FGGY: variants seen among roughly 807,000 people sequenced by gnomAD.
FGGY encodes FGGY carbohydrate kinase domain containing.
FGGY carries 72 observed loss-of-function variants against 71.3 expected under a neutral mutation model. That is an observed-to-expected ratio of 1.01 (90% confidence interval 0.84 to 1.23). The LOEUF is 1.23. FGGY is among the 50% of genes most tolerant of loss of function. The pLI is 0.00. For synonymous variants in FGGY, 251 were observed against 250.3 expected, an observed-to-expected ratio of 1.00 and a Z score of -0.02; for missense variants, 668 against 682.3, an observed-to-expected ratio of 0.98 and a Z score of 0.23.
rs558840368 is a variant in FGGY, at chr1:59,707,004, TG to T, written c.1512+32872del. Among the ~76,000 whole-genome samples, 292 of 152,304 alleles carry T rather than the reference TG, an allele frequency of 1.9e-3. 2 individuals carry two copies. The highest frequency in any genetic ancestry group is 6.7e-3 in the African/African-American group (278 of 41,572). On this transcript the variant is annotated intron_variant, in intron 14 of 15. Coordinates refer to ENST00000303721, the MANE Select transcript of FGGY (RefSeq NM_018291.5). The stretch of plus-strand genomic sequence containing the variant: ...AGCACAGGCAGAGGGCTGCACCCCC[TG>T]CCCTCTCCAACTCTGGGGATATAGC...
chr1:59,425,618 T>G (rs10493264), intron 5 of FGGY, among the ~76,000 whole-genome samples: 1 of 152,094 alleles, frequency 6.6e-6, no homozygotes, highest in Non-Finnish European at 1.5e-5. Context: ...CTATAGACAT[T>G]GGAGTTAAAG....
intron 8 of FGGY, among the ~76,000 whole-genome samples, chr1:59,603,315 T>C (rs2096595123): frequency 6.6e-6 from 1 of 152,278 alleles, no homozygotes; most frequent in Non-Finnish European, 1.5e-5. Flanking sequence ...AATATAAGCT[T>C]TTCTTCTGTA....
chr1:59,660,298 G>C lies in FGGY; in HGVS notation c.1296+5G>C. ...GCCACAGTTCAAGCCATTGCTGTAA[G>C]ATACTGTAATGCCATTTTTAAAGAG... On this transcript the variant is annotated splice_donor_5th_base_variant and intron_variant, in intron 12 of 15. Coordinates refer to ENST00000303721, the MANE Select transcript of FGGY (RefSeq NM_018291.5). The C allele has an allele frequency of 6.2e-7, 1 of 1,611,554 alleles. No individual in the cohort carries two copies. The highest frequency in any genetic ancestry group is 8.5e-7 in the Non-Finnish European group (1 of 1,179,182).
chr1:59,459,867 T>G (rs927782534), intron 6 of FGGY, among the ~76,000 whole-genome samples: 2 of 152,204 alleles, frequency 1.3e-5, no homozygotes, highest in Admixed American at 6.5e-5. Context: ...GTGTGCAACA[T>G]GGCTGAATTA....
chr1:59,431,588 G>C (rs2067370743), intron 5 of FGGY, among the ~76,000 whole-genome samples: 1 of 152,152 alleles, frequency 6.6e-6, no homozygotes, highest in Admixed American at 6.6e-5. Flanking sequence ...AGGAACCCAG[G>C]TAGCTTCTGC....
At chr1:59,629,651 G>T (rs2096890298) in intron 10 of FGGY, among the ~76,000 whole-genome samples, 1 of 152,078 alleles carries the variant, frequency 6.6e-6, no homozygotes, top group Admixed American at 6.5e-5. Flanking sequence ...TCTGTGAAGG[G>T]ACCATAACGG....
chr1:59,463,547 A>G (rs2092404165), intron 6 of FGGY, among the ~76,000 whole-genome samples: 1 of 152,246 alleles, frequency 6.6e-6, no homozygotes, highest in African/African-American at 2.4e-5. Flanking sequence ...AAAGGCCCCA[A>G]TTAAAAGACA....
chr1:59,573,442 A>ATG (rs757804145), intron 8 of FGGY, among the ~76,000 whole-genome samples: 2 of 151,746 alleles, frequency 1.3e-5, no homozygotes, highest in African/African-American at 2.4e-5. Context: ...ATATACACAT[A>ATG]TGTGTGTGTG....
In FGGY at chr1:59,616,246, CAAT is replaced by C. The variant is rs1302381260; in HGVS notation, c.1011+8337_1011+8339del. On this transcript the variant is annotated intron_variant, in intron 9 of 15. Coordinates refer to ENST00000303721, the MANE Select transcript of FGGY (RefSeq NM_018291.5). ...TCTTGGAACCAAGCCAAACATCCAACAATGATAGACTGGATTAAGAAAATGTGG... is the reference window on the plus strand; with the variant it reads ...TCTTGGAACCAAGCCAAACATCCAACGATAGACTGGATTAAGAAAATGTGG... Among the ~76,000 whole-genome samples the C allele has an allele frequency of 2.0e-5, 3 of 152,190 alleles. No homozygotes were observed. The East Asian group carries it at 5.8e-4, about 29-fold the overall frequency.
intron 6 of FGGY, among the ~76,000 whole-genome samples, chr1:59,464,174 C>A (rs1008223968): frequency 1.3e-5 from 2 of 152,158 alleles, no homozygotes; most frequent in African/African-American, 4.8e-5. Context: ...TCTTTCAGAC[C>A]ACAGTGCAAT....
At chr1:59,651,495 A>G in intron 11 of FGGY, among the ~76,000 whole-genome samples, 1 of 145,164 alleles carries the variant, frequency 6.9e-6, no homozygotes, top group Non-Finnish European at 1.5e-5. Flanking sequence ...TGATCCCTTT[A>G]CCATTATGTA....
At chr1:59,336,796 T>C (rs1311529216) in intron 2 of FGGY, among the ~76,000 whole-genome samples, 1 of 152,044 alleles carries the variant, frequency 6.6e-6, no homozygotes, top group Non-Finnish European at 1.5e-5. Context: ...GTAGGTTAAT[T>C]TGAAGAGATT....
At chr1:59,674,628 G>GATT in intron 14 of FGGY, among the ~76,000 whole-genome samples, 1 of 152,188 alleles carries the variant, frequency 6.6e-6, no homozygotes, top group Non-Finnish European at 1.5e-5. Context: ...AAACAATTTG[G>GATT]TGGCTGTGAT....
chr1:59,525,356 C>T (rs1459839117), intron 7 of FGGY, among the ~76,000 whole-genome samples: 3 of 152,148 alleles, frequency 2.0e-5, no homozygotes, highest in Non-Finnish European at 4.4e-5. Context: ...CCAGCAGGCA[C>T]GAGCAATACT....
intron 9 of FGGY, among the ~76,000 whole-genome samples, chr1:59,622,922 A>G (rs143682998): frequency 6.6e-6 from 1 of 152,266 alleles, no homozygotes; most frequent in African/African-American, 2.4e-5. Flanking sequence ...TATTTGCTGT[A>G]TTTTGATCAG....
chr1:59,363,122 A>G (rs76390715), intron 4 of FGGY, among the ~76,000 whole-genome samples: 3,713 of 152,296 alleles, frequency 0.024, 172 homozygotes, highest in African/African-American at 0.085. Flanking sequence ...AGTGTACAAG[A>G]ATGGGCACAT....
At chr1:59,427,729 A>G (rs1457846276) in intron 5 of FGGY, among the ~76,000 whole-genome samples, 4 of 152,222 alleles carry the variant, frequency 2.6e-5, no homozygotes, top group Non-Finnish European at 4.4e-5. Flanking sequence ...AAGACAAGGC[A>G]GTCAAAGTAC....
intron 5 of FGGY, among the ~76,000 whole-genome samples, chr1:59,428,215 A>G (rs563126133): frequency 6.6e-6 from 1 of 152,344 alleles, no homozygotes; most frequent in South Asian, 2.1e-4. Flanking sequence ...TCAGGGATCT[A>G]TTAACAATGG....
chr1:59,355,291 A>G lies in FGGY; in HGVS notation c.465+8893A>G, dbSNP rs183120819. ...ACGTGCAGGTTTGTTACATACTGTA[A>G]TGTTAAAGGGAAGAAAAGTTAGAAG... On this transcript the variant is annotated intron_variant, in intron 4 of 15. Coordinates refer to ENST00000303721, the MANE Select transcript of FGGY (RefSeq NM_018291.5). Among the ~76,000 whole-genome samples, 3 of 152,294 alleles carry G rather than the reference A, an allele frequency of 2.0e-5. No individual in the cohort carries two copies. In the East Asian group the frequency reaches 5.8e-4, roughly 29 times the overall value.
Sources: gnomAD v4.1 joint callset for allele counts (sites outside exome capture counted in the v4.1 genomes callset) on GRCh38, gnomAD v4.1.1 for gene constraint, MANE v1.5 for transcripts, NCBI Gene and HGNC (gene_info 2026-07-23, HGNC 2026-07-21) for gene names.